BRINP3: variants seen among roughly 807,000 people sequenced by gnomAD.
BRINP3 encodes BMP/retinoic acid inducible neural specific 3, also known as BMP/retinoic acid-inducible neural-specific protein 3.
Under a neutral mutation model 71.0 loss-of-function variants are expected in BRINP3, and 19 were observed. The observed-to-expected ratio is 0.27, with a 90% CI of 0.19 to 0.39. The LOEUF (loss-of-function observed/expected upper bound fraction) is 0.39, where lower values mean the gene tolerates loss of function less well. Ranked by LOEUF, BRINP3 falls within the 10% of genes least tolerant of loss-of-function variation. The pLI, the probability that BRINP3 is intolerant of heterozygous loss-of-function variation, is 1.00. For missense variants in BRINP3, 959 were observed against 940.8 expected, an observed-to-expected ratio of 1.02 and a Z score of -0.25; for synonymous variants, 380 against 337.7, an observed-to-expected ratio of 1.13 and a Z score of -1.37.
At chr1:190,109,151 T>C (rs1340395415) in intron 7 of BRINP3, among the ~76,000 whole-genome samples, 1 of 152,214 alleles carries the variant, frequency 6.6e-6, no homozygotes, top group East Asian at 1.9e-4. Context: ...GCTTTTATCA[T>C]GTATTGTCTT....
chr1:190,464,196 T>C (rs565583597), intron 1 of BRINP3, among the ~76,000 whole-genome samples: 1 of 151,700 alleles, frequency 6.6e-6, no homozygotes, highest in East Asian at 1.9e-4. Flanking sequence ...AGAAAAATGG[T>C]ATTTAATTCC....
intron 6 of BRINP3, among the ~76,000 whole-genome samples, chr1:190,204,588 A>C (rs1655330266): frequency 6.6e-6 from 1 of 152,170 alleles, no homozygotes; most frequent in African/African-American, 2.4e-5. Flanking sequence ...TGCCTTCAGA[A>C]AACATGAATA....
intron 6 of BRINP3, among the ~76,000 whole-genome samples, chr1:190,173,885 A>G (rs551702627): frequency 9.5e-4 from 145 of 152,278 alleles, no homozygotes; most frequent in African/African-American, 2.6e-3. Flanking sequence ...GGCTTCTCAT[A>G]TCTGCTTCTG....
At chr1:190,394,083 T>C (rs921921140) in intron 2 of BRINP3, among the ~76,000 whole-genome samples, 2 of 151,562 alleles carry the variant, frequency 1.3e-5, no homozygotes, top group African/African-American at 4.8e-5. Context: ...TTCTTATCAG[T>C]TAGGTATGGG....
chr1:190,333,579 T>C (rs779247536), intron 2 of BRINP3, among the ~76,000 whole-genome samples: 3 of 151,978 alleles, frequency 2.0e-5, no homozygotes, highest in Non-Finnish European at 2.9e-5. Flanking sequence ...ATATATCAAA[T>C]TATGGCATCA....
intron 4 of BRINP3, among the ~76,000 whole-genome samples, chr1:190,256,293 CAG>C (rs1193057338): frequency 2.0e-5 from 3 of 151,876 alleles, no homozygotes; most frequent in East Asian, 3.9e-4. Flanking sequence ...TCTGTTTTAT[CAG>C]AGACTAGGAT....
At chr1:190,116,867 A>T (rs1653179301) in intron 7 of BRINP3, among the ~76,000 whole-genome samples, 1 of 152,026 alleles carries the variant, frequency 6.6e-6, no homozygotes, top group African/African-American at 2.4e-5. Context: ...TCTGTATACA[A>T]AACAAATTCA....
intron 2 of BRINP3, among the ~76,000 whole-genome samples, chr1:190,433,142 C>T (rs939428755): frequency 2.0e-5 from 3 of 152,106 alleles, no homozygotes; most frequent in African/African-American, 7.2e-5. Flanking sequence ...TTATGGACCC[C>T]TGTCCACATC....
At chr1:190,445,541 C>T (rs750418743) in intron 2 of BRINP3, among the ~76,000 whole-genome samples, 1 of 151,080 alleles carries the variant, frequency 6.6e-6, no homozygotes, top group Non-Finnish European at 1.5e-5. Context: ...AGTATACACA[C>T]GCATACACAC....
chr1:190,265,711 T>C (rs1416657187), intron 3 of BRINP3, among the ~76,000 whole-genome samples: 1 of 151,316 alleles, frequency 6.6e-6, no homozygotes, highest in Non-Finnish European at 1.5e-5. Context: ...CGAGACTCCG[T>C]CTCAAAAATA....
At chr1:190,469,347 C>T (rs1676975492) in intron 1 of BRINP3, among the ~76,000 whole-genome samples, 1 of 150,880 alleles carries the variant, frequency 6.6e-6, no homozygotes, top group African/African-American at 2.4e-5. Flanking sequence ...AATTCTATTA[C>T]TGTAAACTCA....
intron 2 of BRINP3, among the ~76,000 whole-genome samples, chr1:190,373,422 TTATA>T (rs768242491): frequency 2.2e-5 from 3 of 133,830 alleles, no homozygotes; most frequent in African/African-American, 8.3e-5. Flanking sequence ...AATTCCTTAA[TTATA>T]TATATATATG....
rs267598250 is a variant in BRINP3 at position 190,226,220 on chromosome 1, C to T, written c.823G>A (p.Glu275Lys). The T allele has an allele frequency of 6.2e-7, 1 of 1,612,460 alleles. No individual in the cohort carries two copies. The highest frequency in any genetic ancestry group is 1.3e-5 in the African/African-American group (1 of 74,804). Reference sequence around the variant, plus strand: ...CCACAGTGACACCAGCAGTCATTTTCCTTGCAGATAAACTCTCCCTCTGAA... The same window carrying T: ...CCACAGTGACACCAGCAGTCATTTTTCTTGCAGATAAACTCTCCCTCTGAA... The part of the protein sequence containing the change: ...CNSEGEFICK[E>K]NDCWCHCGPK... The change falls in exon 6 of 8, where the codon GAA becomes AAA. Residue 275 changes from glutamate (E) to lysine (K), a missense_variant. Physicochemically the swap from Glu to Lys is moderately conservative, Grantham distance 56. Coordinates refer to ENST00000367462, the MANE Select transcript of BRINP3 (RefSeq NM_199051.3).
chr1:190,328,172 C>T (rs1051798952), intron 2 of BRINP3, among the ~76,000 whole-genome samples: 3 of 151,804 alleles, frequency 2.0e-5, no homozygotes, highest in African/African-American at 4.8e-5. Flanking sequence ...ACAAAGTGAC[C>T]CCAAAGCTAG....
chr1:190,377,621 AAC>A (rs375428312), intron 2 of BRINP3, among the ~76,000 whole-genome samples: 7 of 148,538 alleles, frequency 4.7e-5, no homozygotes, highest in Middle Eastern at 3.3e-3. Context: ...AACCTGAAAG[AAC>A]ACACACACAC....
intron 6 of BRINP3, among the ~76,000 whole-genome samples, chr1:190,185,831 C>A (rs1653464140): frequency 6.6e-6 from 1 of 152,052 alleles, no homozygotes. Flanking sequence ...AAGGAATAGA[C>A]TTTAAAAGGA....
intron 2 of BRINP3, among the ~76,000 whole-genome samples, chr1:190,305,747 T>C (rs1361091590): frequency 6.6e-6 from 1 of 151,754 alleles, no homozygotes; most frequent in African/African-American, 2.4e-5. Context: ...AATATAAACA[T>C]ATTTTGAAAT....
intron 1 of BRINP3, among the ~76,000 whole-genome samples, chr1:190,467,023 A>G (rs1183772968): frequency 2.0e-5 from 3 of 151,606 alleles, no homozygotes; most frequent in South Asian, 4.1e-4. Flanking sequence ...TGTTATGACT[A>G]TTTTCAGAAA....
intron 2 of BRINP3, among the ~76,000 whole-genome samples, chr1:190,429,647 A>G (rs1218048420): frequency 6.7e-6 from 1 of 149,450 alleles, no homozygotes; most frequent in African/African-American, 2.5e-5. Flanking sequence ...CTGGAGTGCA[A>G]TGAGGAGATC....
Sources: allele counts gnomAD v4.1 joint callset (sites outside exome capture counted in the v4.1 genomes callset), GRCh38; gene constraint gnomAD v4.1.1; transcripts MANE v1.5; gene names NCBI Gene and HGNC (gene_info 2026-07-23, HGNC 2026-07-21).